Variants in RALGPS2 observed in about 807,000 individuals in gnomAD.
The protein encoded by RALGPS2 is ras-specific guanine nucleotide-releasing factor RalGPS2.
RALGPS2 carries 43 observed loss-of-function variants against 86.8 expected under a neutral mutation model. The ratio of observed to expected loss-of-function variants is 0.50; its 90% confidence interval spans 0.39 to 0.64. The LOEUF (loss-of-function observed/expected upper bound fraction) is 0.64, where lower values mean the gene tolerates loss of function less well. Among genes scored for constraint, RALGPS2 ranks in the 30% least tolerant of loss-of-function variants. RALGPS2 has a pLI of 0.00. For synonymous variants in RALGPS2, 243 were observed against 231.3 expected, an observed-to-expected ratio of 1.05 and a Z score of -0.46; for missense variants, 536 against 694.6, an observed-to-expected ratio of 0.77 and a Z score of 2.57.
At chr1:178,813,923 C>A (rs1254044808) in intron 6 of RALGPS2, among the ~76,000 whole-genome samples, 1 of 152,138 alleles carries the variant, frequency 6.6e-6, no homozygotes, top group South Asian at 2.1e-4. Flanking sequence ...TACTAATAGT[C>A]TAGACAAGTT....
intron 6 of RALGPS2, among the ~76,000 whole-genome samples, chr1:178,817,344 TTAA>T (rs1442071049): frequency 1.3e-4 from 4 of 31,634 alleles, no homozygotes; most frequent in African/African-American, 3.1e-4. Context: ...CTGTCTCAAT[TTAA>T]AAAAAAAAAA....
intron 1 of RALGPS2, chr1:178,747,217 T>TC: frequency 1.5e-6 from 2 of 1,354,572 alleles, no homozygotes; most frequent in South Asian, 2.3e-5. Flanking sequence ...TCACCACAGG[T>TC]CCATGGTCAG....
intron 4 of RALGPS2, among the ~76,000 whole-genome samples, chr1:178,794,183 C>G (rs1654086253): frequency 6.6e-6 from 1 of 152,096 alleles, no homozygotes; most frequent in Non-Finnish European, 1.5e-5. Context: ...GTGATGTGAT[C>G]TCGGTTCACT....
At chr1:178,897,637 G>A (rs1660005599) in intron 16 of RALGPS2, 27 bp from the exon 17 acceptor site, 2 of 1,542,282 alleles carry the variant, frequency 1.3e-6, no homozygotes, top group Admixed American at 3.4e-5. Flanking sequence ...CATTGTAATA[G>A]TATATTCCTG....
At chr1:178,894,928 G>A (rs576718631) in intron 16 of RALGPS2, among the ~76,000 whole-genome samples, 1 of 152,020 alleles carries the variant, frequency 6.6e-6, no homozygotes, top group South Asian at 2.1e-4. Context: ...AGGTAAAATA[G>A]AAAATAAAGA....
intron 9 of RALGPS2, among the ~76,000 whole-genome samples, chr1:178,877,907 A>G (rs1399016329): frequency 6.6e-6 from 1 of 152,144 alleles, no homozygotes; most frequent in Non-Finnish European, 1.5e-5. Context: ...TTCTCACAGC[A>G]CAAAGGCACT....
rs377169706 is a variant in RALGPS2 at position 178,916,330 on chromosome 1, G to C, written c.1723G>C (p.Val575Leu). The change falls in exon 20 of 20, where the codon GTT becomes CTT. Residue 575 changes from valine to leucine, a missense_variant and splice_region_variant. By Grantham distance (32) the Val-to-Leu change is conservative. This residue lies in a region of RALGPS2 where 309 missense variants were observed against 363.0 expected (regional missense o/e 0.85). Coordinates refer to ENST00000367635, the MANE Select transcript of RALGPS2 (RefSeq NM_152663.5). ...SAACQSNKQQVPTNLMTFE is the reference protein window; with the variant it reads ...SAACQSNKQQLPTNLMTFE Reference sequence around the variant, plus strand: ...AGTTTTTAATGCTTATATTTTTTAGGTTCCTACAAACTTGATGACTTTTGA... The same window carrying C: ...AGTTTTTAATGCTTATATTTTTTAGCTTCCTACAAACTTGATGACTTTTGA... The C allele has an allele frequency of 1.3e-6, 2 of 1,595,200 alleles. No homozygotes were observed. Among genetic ancestry groups the C allele is most frequent in the Non-Finnish European group, 1.7e-6 (2 of 1,164,356 alleles).
chr1:178,840,323 A>G (rs1450609161), intron 8 of RALGPS2, among the ~76,000 whole-genome samples: 1 of 152,238 alleles, frequency 6.6e-6, no homozygotes, highest in East Asian at 1.9e-4. Context: ...AGTGCAATCA[A>G]ACTAGAACTC....
At chr1:178,915,126 G>A (rs1365402674) in intron 19 of RALGPS2, among the ~76,000 whole-genome samples, 1 of 152,140 alleles carries the variant, frequency 6.6e-6, no homozygotes, top group African/African-American at 2.4e-5. Flanking sequence ...TTTGTAAGTA[G>A]AACCTGTGAA....
intron 7 of RALGPS2, 30 bp from the exon 8 acceptor site, chr1:178,833,394 A>G (rs1558139953): frequency 4.1e-6 from 6 of 1,471,392 alleles, no homozygotes; most frequent in Non-Finnish European, 5.4e-6. Context: ...AGATTTGTAA[A>G]TAACTTAGGT....
intron 7 of RALGPS2, among the ~76,000 whole-genome samples, chr1:178,828,930 G>A (rs758493828): frequency 2.6e-5 from 4 of 152,140 alleles, no homozygotes; most frequent in Non-Finnish European, 5.9e-5. Flanking sequence ...TATGTGTCCA[G>A]AGAAATTGAA....
chr1:178,904,253 C>G (rs930804300), intron 18 of RALGPS2, among the ~76,000 whole-genome samples: 4 of 151,978 alleles, frequency 2.6e-5, no homozygotes, highest in Non-Finnish European at 5.9e-5. Flanking sequence ...AGATGTTAGT[C>G]CTTTGTCAGA....
chr1:178,871,448 A>T (rs1003848307), intron 8 of RALGPS2, among the ~76,000 whole-genome samples: 1 of 152,172 alleles, frequency 6.6e-6, no homozygotes, highest in Non-Finnish European at 1.5e-5. Flanking sequence ...CAAGAGCTAG[A>T]CTTTGTCAGG....
Position 178,776,365 on chromosome 1 carries a change from T to C in RALGPS2, c.-83-317T>C, listed in dbSNP as rs183504095. 5.6e-4 allele frequency among the ~76,000 whole-genome samples: 86 copies of C among 152,316 alleles called. 1 individual carries two copies. The Middle Eastern group carries it at 0.02, about 36-fold the overall frequency. The stretch of plus-strand genomic sequence containing the variant: ...TGTGTTACTTTGCCACCTGTGTTTT[T>C]ACACATTTTATTTACTTTAAGAAAG... On this transcript the variant is annotated intron_variant, in intron 1 of 19. Transcript: ENST00000367635.
chr1:178,725,986 C>T (rs1649971196), intron 1 of RALGPS2: 1 of 152,166 alleles, frequency 6.6e-6, no homozygotes, highest in Non-Finnish European at 1.5e-5. Context: ...GAGCGGCCCC[C>T]GCCAGCCCCG....
At chr1:178,833,654 A>C (rs573681541) in intron 8 of RALGPS2, 104 bp downstream of exon 8, 1 of 1,446,338 alleles carries the variant, frequency 6.9e-7, no homozygotes, top group African/African-American at 1.5e-5. Flanking sequence ...TATCTTTTAA[A>C]TAAATTACTT....
intron 8 of RALGPS2, among the ~76,000 whole-genome samples, chr1:178,854,251 C>T (rs1034165291): frequency 6.6e-6 from 1 of 152,082 alleles, no homozygotes; most frequent in African/African-American, 2.4e-5. Context: ...GATCGATCTA[C>T]TGGATCAGAG....
In RALGPS2 at chr1:178,885,099, C is replaced by T; in HGVS notation, c.928C>T (p.Gln310Ter). Reference sequence around the variant, plus strand: ...AGGTCCTGAAGTAGGAGCGTCTCCACAGAGTGGACGAAAAAGTGTGGCAGC... The same window carrying T: ...AGGTCCTGAAGTAGGAGCGTCTCCATAGAGTGGACGAAAAAGTGTGGCAGC... ...LVGPEVGASP[Q>*]SGRKSVAAEG... Residue 310 changes from glutamine (Q) to a stop codon, truncating the protein, a stop_gained, in exon 12 of 20, where the codon CAG (glutamine) becomes TAG (stop). Coordinates refer to ENST00000367635, the MANE Select transcript of RALGPS2 (RefSeq NM_152663.5). LOFTEE classifies it high-confidence loss of function. 6.2e-7 allele frequency: 1 copy of T among 1,607,550 alleles called. No homozygotes were observed. The highest frequency in any genetic ancestry group is 8.5e-7 in the Non-Finnish European group (1 of 1,178,368).
chr1:178,896,633 C>T (rs1476315273), intron 16 of RALGPS2, among the ~76,000 whole-genome samples: 4 of 146,016 alleles, frequency 2.7e-5, no homozygotes, highest in African/African-American at 1.0e-4. Context: ...CACAACAGTC[C>T]CCAGAGTGTG....
Sources: gnomAD v4.1 joint callset for allele counts (sites outside exome capture counted in the v4.1 genomes callset) on GRCh38, gnomAD v4.1.1 for gene constraint, gnomAD v4.1.1 regional missense constraint, MANE v1.5 for transcripts, NCBI Gene and HGNC (gene_info 2026-07-23, HGNC 2026-07-21) for gene names.